The following HSD17B13 variants were observed in gnomAD, a reference collection of about 807,000 sequenced individuals.
HSD17B13 encodes the protein 17-beta-hydroxysteroid dehydrogenase 13.
Under a neutral mutation model 31.1 loss-of-function variants are expected in HSD17B13, and 26 were observed. That is an observed-to-expected ratio of 0.84 (90% CI 0.61 to 1.16). The LOEUF is 1.16. Among genes scored for constraint, HSD17B13 ranks in the 50% most tolerant of loss-of-function variants. The probability of loss-of-function intolerance (pLI) is 0.00; values close to 1 mark genes in which losing one functional copy is unlikely to be tolerated. For synonymous variants in HSD17B13, 141 were observed against 133.7 expected (o/e 1.05, Z -0.38); for missense variants, 374 against 366.5 (o/e 1.02, Z -0.17).
intron 6 of HSD17B13, 148 bp from the exon 7 acceptor site, chr4:87,305,456 T>C: frequency 2.0e-6 from 1 of 488,812 alleles, no homozygotes; most frequent in Non-Finnish European, 3.6e-6. Context: ...CAACCACCTC[T>C]CTTTTACGTG....
intron 5 of HSD17B13, among the ~76,000 whole-genome samples, chr4:87,312,583 G>T (rs1421632063): frequency 1.5e-5 from 2 of 129,428 alleles, no homozygotes; most frequent in Admixed American, 1.8e-4. Context: ...AGGCTGGAGT[G>T]CAGTGGCGCG....
chr4:87,321,397 TA>T (rs1267823486), intron 1 of HSD17B13, among the ~76,000 whole-genome samples: 3 of 151,986 alleles, frequency 2.0e-5, no homozygotes, highest in Non-Finnish European at 4.4e-5. Context: ...TTTTAAAATT[TA>T]AAAAAAACTT....
chr4:87,305,098 G>T lies in HSD17B13; in HGVS notation c.*120C>A. ...TCTTGTTCGTTTGACTGCTGCTAGT[G>T]CCAAACCAATGTTTTTAATATTATC... On this transcript the variant is annotated 3_prime_UTR_variant, in exon 7 of 7. Coordinates refer to ENST00000328546, the MANE Select transcript of HSD17B13 (RefSeq NM_178135.5). 1 of 519,834 alleles carries T rather than the reference G, an allele frequency of 1.9e-6. No individual in the cohort carries two copies. The highest frequency in any genetic ancestry group is 3.2e-6 in the Non-Finnish European group (1 of 315,016). The allele number at this position is 519,834 out of a possible 1,614,324, so 32.2% of individuals were successfully genotyped here.
intron 6 of HSD17B13, among the ~76,000 whole-genome samples, chr4:87,309,084 C>A (rs916269720): frequency 6.6e-6 from 1 of 152,024 alleles, no homozygotes; most frequent in Non-Finnish European, 1.5e-5. Context: ...GCATTAGCGT[C>A]AAAAACCGTC....
chr4:87,309,180 C>T (rs112447975), intron 6 of HSD17B13, among the ~76,000 whole-genome samples: 46,401 of 151,294 alleles, frequency 0.31, 7,309 homozygotes, highest in South Asian at 0.38. Context: ...GTCAGGAGTT[C>T]GAGACCAGCC....
rs763275950 is a variant in HSD17B13, at chr4:87,317,077, C to A, written c.450+15G>T. The stretch of plus-strand genomic sequence containing the variant: ...GAAGGTGCACAAATCAGAAATGTTT[C>A]TGACTCACACTCACCCAAAAATGTC... On this transcript the variant is annotated intron_variant, in intron 3 of 6. Transcript: ENST00000328546. The A allele has an allele frequency of 5.8e-5, 93 of 1,612,934 alleles. No individual in the cohort carries two copies. The East Asian group carries it at 2.1e-3, about 36-fold the overall frequency.
chr4:87,322,099 C>G (rs6828253), intron 1 of HSD17B13, among the ~76,000 whole-genome samples: 14,992 of 152,230 alleles, frequency 0.098, 2,416 homozygotes, highest in African/African-American at 0.34. Context: ...TCATGTGCCA[C>G]GTATCGTTTA....
intron 5 of HSD17B13, among the ~76,000 whole-genome samples, chr4:87,313,163 G>A (rs1734572670): frequency 6.6e-6 from 1 of 152,032 alleles, no homozygotes; most frequent in African/African-American, 2.4e-5. Flanking sequence ...GATTCCAGCT[G>A]CAGAGACCAC....
chr4:87,317,563 CTTT>C (rs869241617), intron 2 of HSD17B13, among the ~76,000 whole-genome samples: 10 of 49,748 alleles, frequency 2.0e-4, no homozygotes, highest in Non-Finnish European at 2.6e-4. Flanking sequence ...TTTCTTTAAA[CTTT>C]TTTTTTTTTT....
intron 5 of HSD17B13, among the ~76,000 whole-genome samples, chr4:87,313,137 T>C (rs531935165): frequency 6.6e-6 from 1 of 152,102 alleles, no homozygotes; most frequent in Admixed American, 6.6e-5. Context: ...CATGAAGGAC[T>C]CCAGTGGCAG....
At chr4:87,312,518 C>CTTTTTTT (rs747820120) in intron 5 of HSD17B13, among the ~76,000 whole-genome samples, 3 of 71,634 alleles carry the variant, frequency 4.2e-5, no homozygotes, top group Non-Finnish European at 7.2e-5. Context: ...ACCTTTAATT[C>CTTTTTTT]TTTTTTTTTT....
intron 4 of HSD17B13, 66 bp from the exon 5 acceptor site, chr4:87,314,026 G>A: frequency 1.5e-6 from 2 of 1,313,076 alleles, no homozygotes; most frequent in Non-Finnish European, 1.0e-6. Context: ...CTTTCTGTGA[G>A]AAGGCGGTAT....
chr4:87,306,148 T>G (rs185170216), intron 6 of HSD17B13, among the ~76,000 whole-genome samples: 20 of 152,316 alleles, frequency 1.3e-4, no homozygotes, highest in Non-Finnish European at 2.4e-4. Context: ...TGAACCTATG[T>G]GTGCACCTTT....
At chr4:87,316,683 G>A (rs1407981172) in intron 3 of HSD17B13, among the ~76,000 whole-genome samples, 1 of 152,086 alleles carries the variant, frequency 6.6e-6, no homozygotes, top group East Asian at 1.9e-4. Context: ...AATTACTTCT[G>A]ATGTCCTTTC....
intron 6 of HSD17B13, among the ~76,000 whole-genome samples, chr4:87,309,146 G>A (rs568339185): frequency 2.0e-4 from 30 of 152,164 alleles, no homozygotes; most frequent in Non-Finnish European, 4.3e-4. Flanking sequence ...ACTTTGGGAG[G>A]CTGAGGCAGG....
At chr4:87,321,132 C>T (rs955292623) in intron 1 of HSD17B13, among the ~76,000 whole-genome samples, 2 of 152,084 alleles carry the variant, frequency 1.3e-5, no homozygotes, top group Non-Finnish European at 2.9e-5. Flanking sequence ...TGAACTGAAA[C>T]GATCCTCCCA....
rs1734358258 is a variant in HSD17B13 at position 87,305,108 on chromosome 4, T to C, written c.*110A>G. On this transcript the variant is annotated 3_prime_UTR_variant, in exon 7 of 7. Transcript: ENST00000328546. ...TTGACTGCTGCTAGTGCCAAACCAA[T>C]GTTTTTAATATTATCAGGACTGAAA... 2 of 560,846 alleles carry C rather than the reference T, an allele frequency of 3.6e-6. No homozygotes were observed. Among genetic ancestry groups the C allele is most frequent in the Non-Finnish European group, 5.8e-6 (2 of 347,606 alleles). The allele number at this position is 560,846 out of a possible 1,614,324, so 34.7% of individuals were successfully genotyped here.
chr4:87,317,337 T>C, intron 2 of HSD17B13, 114 bp from the exon 3 acceptor site: 1 of 1,026,998 alleles, frequency 9.7e-7, no homozygotes, highest in South Asian at 1.5e-5. Context: ...TCTCTCAGAG[T>C]TCAGGCAAGA....
Position 87,314,338 on chromosome 4 carries a change from A to C in HSD17B13, c.558-378T>G, listed in dbSNP as rs111592962. Among the ~76,000 whole-genome samples the C allele has an allele frequency of 3.6e-3, 552 of 152,168 alleles. 3 individuals carry two copies. The highest frequency in any genetic ancestry group is 0.012 in the African/African-American group (511 of 41,512). ...GGAAAAATACATTTAGAAATTCTACAAAACTGGTATCTGTGTTGACAGACT... is the reference window on the plus strand; with the variant it reads ...GGAAAAATACATTTAGAAATTCTACCAAACTGGTATCTGTGTTGACAGACT... On this transcript the variant is annotated intron_variant, in intron 4 of 6. Coordinates refer to ENST00000328546, the MANE Select transcript of HSD17B13 (RefSeq NM_178135.5).
Sources: allele counts gnomAD v4.1 joint callset (sites outside exome capture counted in the v4.1 genomes callset), GRCh38; gene constraint gnomAD v4.1.1; transcripts MANE v1.5; gene names NCBI Gene and HGNC (gene_info 2026-07-23, HGNC 2026-07-21).